CFAP299: variants seen among roughly 807,000 people sequenced by gnomAD.
The protein encoded by CFAP299 is cilia and flagella associated protein 299, also known as cilia- and flagella-associated protein 299.
CFAP299 carries 21 observed loss-of-function variants against 27.0 expected under a neutral mutation model. The observed-to-expected ratio is 0.78, with a 90% confidence interval of 0.55 to 1.12. The LOEUF is 1.12. Among genes scored for constraint, CFAP299 ranks in the 50% most tolerant of loss-of-function variants. The pLI is 0.00. For missense variants in CFAP299, 310 were observed against 276.6 expected (o/e 1.12, Z -0.86); for synonymous variants, 104 against 98.1 (o/e 1.06, Z -0.36).
intron 3 of CFAP299, among the ~76,000 whole-genome samples, chr4:80,685,271 G>A (rs1560696996): frequency 6.6e-6 from 1 of 152,058 alleles, no homozygotes. Context: ...TTAAATTTGG[G>A]TTACTAGTTT....
chr4:80,891,196 C>T (rs1734255486), intron 4 of CFAP299, among the ~76,000 whole-genome samples: 1 of 148,950 alleles, frequency 6.7e-6, no homozygotes. Context: ...GGTTTTAGGT[C>T]TAACGTTTAA....
intron 3 of CFAP299, among the ~76,000 whole-genome samples, chr4:80,629,058 G>T (rs892102267): frequency 1.3e-5 from 2 of 152,050 alleles, no homozygotes; most frequent in African/African-American, 4.8e-5. Flanking sequence ...CCAAGATATG[G>T]AATCAACCTA....
intron 3 of CFAP299, among the ~76,000 whole-genome samples, chr4:80,726,258 CTA>C (rs1422741740): frequency 6.6e-6 from 1 of 152,062 alleles, no homozygotes; most frequent in Non-Finnish European, 1.5e-5. Context: ...AACTTTTTCT[CTA>C]TGACACAATT....
At chr4:80,621,549 A>G (rs1738607955) in intron 3 of CFAP299, among the ~76,000 whole-genome samples, 1 of 152,118 alleles carries the variant, frequency 6.6e-6, no homozygotes, top group Admixed American at 6.6e-5. Flanking sequence ...GAAGAGGGAT[A>G]TTGTACTGGA....
intron 2 of CFAP299, among the ~76,000 whole-genome samples, chr4:80,541,492 G>A (rs1733994234): frequency 6.6e-6 from 1 of 152,170 alleles, no homozygotes; most frequent in Admixed American, 6.5e-5. Context: ...GGTACTCAGT[G>A]TATATCACAG....
At chr4:80,845,112 A>G (rs1731102384) in intron 3 of CFAP299, among the ~76,000 whole-genome samples, 1 of 152,222 alleles carries the variant, frequency 6.6e-6, no homozygotes, top group Admixed American at 6.5e-5. Context: ...CCATTGGTCT[A>G]TATCTCTGTT....
chr4:80,724,222 T>C (rs1723011927), intron 3 of CFAP299, among the ~76,000 whole-genome samples: 1 of 152,030 alleles, frequency 6.6e-6, no homozygotes, highest in South Asian at 2.1e-4. Flanking sequence ...GGGGAAATAA[T>C]GTTAAAAGAA....
At chr4:80,761,531 G>A (rs973107030) in intron 3 of CFAP299, among the ~76,000 whole-genome samples, 21 of 151,770 alleles carry the variant, frequency 1.4e-4, no homozygotes, top group Non-Finnish European at 2.7e-4. Flanking sequence ...TATATGGAAG[G>A]AGGAAATACT....
intron 5 of CFAP299, among the ~76,000 whole-genome samples, chr4:80,954,503 A>G (rs1004827002): frequency 3.9e-5 from 6 of 152,192 alleles, no homozygotes; most frequent in African/African-American, 1.4e-4. Context: ...TGGCTGAGAT[A>G]TCTTTGGCAT....
At chr4:80,673,643 G>T (rs774455638) in intron 3 of CFAP299, among the ~76,000 whole-genome samples, 6 of 151,982 alleles carry the variant, frequency 3.9e-5, no homozygotes, top group Non-Finnish European at 8.8e-5. Flanking sequence ...TTATTGTGTG[G>T]GAGTCTAAGC....
chr4:80,517,571 C>T (rs766267418), intron 2 of CFAP299, among the ~76,000 whole-genome samples: 8 of 152,078 alleles, frequency 5.3e-5, no homozygotes, highest in Non-Finnish European at 2.9e-5. Context: ...TCTTGAGAAA[C>T]GATGTAGCCA....
At chr4:80,628,138 C>T (rs1311857294) in intron 3 of CFAP299, among the ~76,000 whole-genome samples, 1 of 151,972 alleles carries the variant, frequency 6.6e-6, no homozygotes. Context: ...AAAATAGACA[C>T]ACAGAGCAAT....
intron 2 of CFAP299, among the ~76,000 whole-genome samples, chr4:80,547,129 A>G (rs967452410): frequency 3.3e-5 from 5 of 152,166 alleles, no homozygotes; most frequent in Admixed American, 1.3e-4. Context: ...ACTTCAAACT[A>G]TAGTACAAGG....
chr4:80,875,580 C>G (rs1308863899), intron 4 of CFAP299, among the ~76,000 whole-genome samples: 1 of 151,094 alleles, frequency 6.6e-6, no homozygotes, highest in African/African-American at 2.4e-5. Flanking sequence ...AGGAGAATCG[C>G]TTGAACCTGG....
chr4:80,556,953 C>T (rs1486846852), intron 2 of CFAP299, among the ~76,000 whole-genome samples: 1 of 151,966 alleles, frequency 6.6e-6, no homozygotes, highest in Admixed American at 6.6e-5. Flanking sequence ...AAAGAGAAAA[C>T]CAAAATTTCA....
intron 3 of CFAP299, among the ~76,000 whole-genome samples, chr4:80,842,723 C>T (rs1383263200): frequency 2.6e-5 from 4 of 152,010 alleles, no homozygotes; most frequent in African/African-American, 9.7e-5. Flanking sequence ...TAACAGCTGC[C>T]CCTTCACGTG....
At chr4:80,339,345 C>A (rs1204830673) in intron 1 of CFAP299, among the ~76,000 whole-genome samples, 4 of 152,168 alleles carry the variant, frequency 2.6e-5, no homozygotes, top group Non-Finnish European at 5.9e-5. Flanking sequence ...AGTTTGCCAA[C>A]AATTTGCTGC....
chr4:80,360,410 A>C (rs1723484641), intron 1 of CFAP299, among the ~76,000 whole-genome samples: 2 of 152,222 alleles, frequency 1.3e-5, no homozygotes, highest in Admixed American at 1.3e-4. Context: ...CTCTGCAAGC[A>C]GGAGTCATGA....
At chr4:80,722,442 AAAG>A (rs931346824) in intron 3 of CFAP299, among the ~76,000 whole-genome samples, 8 of 152,074 alleles carry the variant, frequency 5.3e-5, no homozygotes, top group African/African-American at 1.9e-4. Flanking sequence ...AAATGAAAAA[AAAG>A]AAAACCTGAT....
Sources: gnomAD v4.1 joint callset for allele counts (sites outside exome capture counted in the v4.1 genomes callset) on GRCh38, gnomAD v4.1.1 for gene constraint, MANE v1.5 for transcripts, NCBI Gene and HGNC (gene_info 2026-07-23, HGNC 2026-07-21) for gene names.